Variants in ART1 observed in about 807,000 individuals in gnomAD.
ART1 encodes the protein ADP-ribosyltransferase 1.
ART1 carries 29 observed loss-of-function variants against 27.0 expected under a neutral mutation model. The ratio of observed to expected loss-of-function variants is 1.08; its 90% CI spans 0.80 to 1.47. The LOEUF is 1.47. Among genes scored for constraint, ART1 ranks in the 40% most tolerant of loss-of-function variants. The pLI, the probability that ART1 is intolerant of heterozygous loss-of-function variation, is 0.00. For synonymous variants in ART1, 201 were observed against 172.2 expected (o/e 1.17, Z -1.31); for missense variants, 480 against 423.0 (o/e 1.13, Z -1.18).
intron 4 of ART1, among the ~76,000 whole-genome samples, chr11:3,663,128 T>TCTC (rs1491159472): frequency 6.9e-6 from 1 of 145,798 alleles, no homozygotes; most frequent in Non-Finnish European, 1.5e-5. Flanking sequence ...TCTCATCTCA[T>TCTC]CTCATCTCAT....
intron 4 of ART1, among the ~76,000 whole-genome samples, chr11:3,662,124 C>A (rs1237159855): frequency 6.6e-6 from 1 of 152,222 alleles, no homozygotes; most frequent in African/African-American, 2.4e-5. Context: ...CCCTCAAACC[C>A]ACCTTTGAAG....
Position 3,659,691 on chromosome 11 carries a change from A to T in ART1, c.172A>T (p.Thr58Ser), listed in dbSNP as rs2077601689. Residue 58 changes from threonine to serine, a missense_variant, in exon 3 of 5, where the codon ACA becomes TCA. Thr to Ser is a moderately conservative substitution (Grantham distance 58, BLOSUM62 1). Transcript: ENST00000250693. ...GTACGCTGGCTGTGCTGCTGCCATGACAGCTGCTCTCCCGGATCTCAACCA... is the reference window on the plus strand; with the variant it reads ...GTACGCTGGCTGTGCTGCTGCCATGTCAGCTGCTCTCCCGGATCTCAACCA... Reference protein sequence around the residue: ...DQYAGCAAAMTAALPDLNHTE... With the variant: ...DQYAGCAAAMSAALPDLNHTE... The T allele has an allele frequency of 6.2e-7, 1 of 1,613,866 alleles. No individual in the cohort carries two copies. Among genetic ancestry groups the T allele is most frequent in the African/African-American group, 1.3e-5 (1 of 74,900 alleles).
At chr11:3,649,200 C>T (rs2077496611) in intron 1 of ART1, among the ~76,000 whole-genome samples, 2 of 152,144 alleles carry the variant, frequency 1.3e-5, no homozygotes, top group Non-Finnish European at 2.9e-5. Flanking sequence ...TCTCCCTTAG[C>T]CTGTGCTCTC....
At position 3,649,251 on chromosome 11, in the gene ART1, C is replaced by T. The variant is rs1224756250; in HGVS notation, c.-53+4072C>T. ...CTTCAACTCACACCTGACCTAAAAC[C>T]TAAATGCCTTATTTTCTTCTGCAAG... On this transcript the variant is annotated intron_variant, in intron 1 of 4. Transcript: ENST00000250693. Among the ~76,000 whole-genome samples the T allele has an allele frequency of 2.6e-5, 4 of 152,278 alleles. No individual in the cohort carries two copies. In the East Asian group the frequency reaches 7.7e-4, roughly 29 times the overall value.
chr11:3,659,427 T>C (rs886307815), intron 2 of ART1, 151 bp downstream of exon 2: 13 of 1,384,782 alleles, frequency 9.4e-6, no homozygotes, highest in Non-Finnish European at 1.3e-5. Context: ...GATGCTAGTC[T>C]TGGGGAAATT....
At chr11:3,647,049 G>A (rs777898445) in intron 1 of ART1, among the ~76,000 whole-genome samples, 3 of 152,112 alleles carry the variant, frequency 2.0e-5, no homozygotes, top group African/African-American at 4.8e-5. Context: ...GGCCAGGCAC[G>A]GTGGCTTATG....
intron 4 of ART1, among the ~76,000 whole-genome samples, chr11:3,662,142 G>T (rs1162974498): frequency 6.6e-6 from 1 of 152,254 alleles, no homozygotes; most frequent in African/African-American, 2.4e-5. Flanking sequence ...AAGGCCATGA[G>T]GCCAGGCTTT....
rs571171973 is a variant in ART1 at position 3,651,787 on chromosome 11, C to T, written c.-53+6608C>T. ...ATTGTTCCTGGCCCGGACTTCAATC[C>T]GGCCTCCCACATTATTCCTGATACC... On this transcript the variant is annotated intron_variant, in intron 1 of 4. Coordinates refer to ENST00000250693, the MANE Select transcript of ART1 (RefSeq NM_004314.3). Among the ~76,000 whole-genome samples the T allele has an allele frequency of 2.5e-3, 377 of 151,828 alleles. 2 individuals carry two copies. Among genetic ancestry groups the T allele is most frequent in the Non-Finnish European group, 3.7e-3 (249 of 67,954 alleles).
At chr11:3,650,882 A>G (rs1438854323) in intron 1 of ART1, among the ~76,000 whole-genome samples, 1 of 136,604 alleles carries the variant, frequency 7.3e-6, no homozygotes, top group African/African-American at 2.6e-5. Flanking sequence ...TGCACCCCTT[A>G]CCATCCCATT....
intron 1 of ART1, among the ~76,000 whole-genome samples, chr11:3,651,869 C>T (rs2077524787): frequency 6.6e-6 from 1 of 150,798 alleles, no homozygotes; most frequent in African/African-American, 2.5e-5. Flanking sequence ...CCCCATTTCC[C>T]CATATTTCCT....
chr11:3,652,471 C>A, intron 1 of ART1, among the ~76,000 whole-genome samples: 1 of 151,888 alleles, frequency 6.6e-6, no homozygotes, highest in African/African-American at 2.4e-5. Flanking sequence ...TAAAAACACA[C>A]CTCATCAAGC....
intron 3 of ART1, 108 bp from the exon 4 acceptor site, chr11:3,661,264 C>A: frequency 9.8e-7 from 1 of 1,018,020 alleles, no homozygotes. Flanking sequence ...GGGGGAAATG[C>A]ACCAACTTCT....
Position 3,660,034 on chromosome 11 carries a change from C to A in ART1, c.515C>A (p.Pro172His). 6.2e-7 allele frequency: 1 copy of A among 1,613,814 alleles called. No homozygotes were observed. The highest frequency in any genetic ancestry group is 8.5e-7 in the Non-Finnish European group (1 of 1,179,946). The change falls in exon 3 of 5, where the codon CCC (proline) becomes CAC (histidine). Residue 172 changes from proline to histidine, a missense_variant. Pro to His is a moderately conservative substitution (Grantham distance 77). Transcript: ENST00000250693. ...LQLLGSGQRP[P>H]RCHQVFRGVH... The stretch of plus-strand genomic sequence containing the variant: ...CTCCTGGGCAGCGGCCAGCGTCCAC[C>A]CCGGTGCCACCAGGTGTTCCGAGGT...
In ART1 at chr11:3,660,093, C is replaced by T. The variant is rs142006583; in HGVS notation, c.574C>T (p.Arg192Trp). ...HGLRFRPAGP[R>W]ATVRLGGFAS... ...CCTGCGCTTCCGGCCAGCAGGGCCC[C>T]GGGCCACCGTGAGGCTGGGGGGCTT... Residue 192 changes from arginine to tryptophan, a missense_variant, in exon 3 of 5, where the codon CGG becomes TGG. By Grantham distance (101) the Arg-to-Trp change is moderately radical. Coordinates refer to ENST00000250693, the MANE Select transcript of ART1 (RefSeq NM_004314.3). 173 of 1,613,646 alleles carry T rather than the reference C, an allele frequency of 1.1e-4. No homozygotes were observed. In the African/African-American group the frequency reaches 1.7e-3, roughly 16 times the overall value.
At chr11:3,645,736 A>T (rs2077465919) in intron 1 of ART1, among the ~76,000 whole-genome samples, 1 of 152,206 alleles carries the variant, frequency 6.6e-6, no homozygotes, top group South Asian at 2.1e-4. Flanking sequence ...GGCACATATA[A>T]GGGCAGCACA....
intron 1 of ART1, chr11:3,655,718 T>G (rs1187858103): frequency 2.0e-5 from 3 of 152,216 alleles, no homozygotes; most frequent in Admixed American, 2.0e-4. Flanking sequence ...ATTGGCCTTC[T>G]TGGGTCATGT....
intron 1 of ART1, among the ~76,000 whole-genome samples, chr11:3,657,686 A>G (rs2077585343): frequency 2.6e-5 from 4 of 152,224 alleles, no homozygotes; most frequent in Admixed American, 2.6e-4. Context: ...ACTCTCATCC[A>G]TTGTTGGTGG....
At position 3,659,852 on chromosome 11, in the gene ART1, C is replaced by G; in HGVS notation, c.333C>G (p.Arg111=). ...TRPSPPPLGF[R]DEHGVALLAY... Reference sequence around the variant, plus strand: ...CATCCCCGCCACCCCTGGGCTTCCGCGATGAGCATGGGGTGGCCCTCCTGG... The same window carrying G: ...CATCCCCGCCACCCCTGGGCTTCCGGGATGAGCATGGGGTGGCCCTCCTGG... Residue 111 remains arginine (R), a synonymous_variant, in exon 3 of 5, where the codon CGC becomes CGG. Coordinates refer to ENST00000250693, the MANE Select transcript of ART1 (RefSeq NM_004314.3). 6.2e-7 allele frequency: 1 copy of G among 1,612,470 alleles called. No individual in the cohort carries two copies. The highest frequency in any genetic ancestry group is 8.5e-7 in the Non-Finnish European group (1 of 1,179,564).
intron 1 of ART1, among the ~76,000 whole-genome samples, chr11:3,648,977 C>T (rs147171058): frequency 0.066 from 6,939 of 105,298 alleles, 196 homozygotes; most frequent in African/African-American, 0.11. Flanking sequence ...CTTATTTCCA[C>T]GCCCCGACCT....
Sources: allele counts gnomAD v4.1 joint callset (sites outside exome capture counted in the v4.1 genomes callset), GRCh38; gene constraint gnomAD v4.1.1; transcripts MANE v1.5; gene names NCBI Gene and HGNC (gene_info 2026-07-23, HGNC 2026-07-21).